ZC3H7B: variants seen among roughly 807,000 people sequenced by gnomAD.
ZC3H7B encodes the protein zinc finger CCCH domain-containing protein 7B.
In ZC3H7B, 35 loss-of-function variants were observed where a neutral mutation model predicts 116.0. That is an observed-to-expected ratio of 0.30 (90% CI 0.23 to 0.40). ZC3H7B has a LOEUF of 0.40. Ranked by LOEUF, ZC3H7B falls within the 10% of genes least tolerant of loss-of-function variation. The pLI is 1.00. For missense variants in ZC3H7B, 1,011 were observed against 1,321.5 expected (o/e 0.77, Z 3.64); for synonymous variants, 502 against 545.6 (o/e 0.92, Z 1.11).
chr22:41,351,426 T>C lies in ZC3H7B; in HGVS notation c.1949-135T>C. ...GACAAAGTGGTTCCCTTGTACCCCA[T>C]GTCTTACTGTGGCTGGGCTGAGAAT... On this transcript the variant is annotated intron_variant, in intron 16 of 22. Transcript: ENST00000352645. The surrounding 1 kb of genome is among the most constrained non-coding windows in gnomAD (Gnocchi z 5.1). 1 of 691,118 alleles carries C rather than the reference T, an allele frequency of 1.4e-6. No homozygotes were observed. The highest frequency in any genetic ancestry group is 1.9e-5 in the South Asian group (1 of 51,984). 42.8% of individuals were successfully genotyped at this position (691,118 alleles called of 1,614,324 possible). A position where few individuals can be genotyped will look rare whatever the true frequency, so the allele number is the denominator to read the frequency against.
intron 9 of ZC3H7B, 140 bp from the exon 10 acceptor site, chr22:41,339,676 T>C (rs2145928789): frequency 1.4e-6 from 1 of 710,148 alleles, no homozygotes. Context: ...GAAGGGACCA[T>C]AGTGAGCCCT....
At chr22:41,314,150 T>A (rs2036152034) in intron 1 of ZC3H7B, among the ~76,000 whole-genome samples, 1 of 151,562 alleles carries the variant, frequency 6.6e-6, no homozygotes, top group Non-Finnish European at 1.5e-5. Flanking sequence ...ATTTTTATTT[T>A]ATTTATTTAT....
chr22:41,321,827 T>TTC (rs1231662745), intron 2 of ZC3H7B, among the ~76,000 whole-genome samples: 16 of 101,122 alleles, frequency 1.6e-4, no homozygotes, highest in African/African-American at 5.5e-4. Context: ...AAAACTCACA[T>TTC]TCTTTTTTTT....
intron 6 of ZC3H7B, among the ~76,000 whole-genome samples, chr22:41,330,625 G>A (rs6002335): frequency 0.039 from 5,865 of 152,172 alleles, 361 homozygotes; most frequent in African/African-American, 0.13. Context: ...CCACCCCAGA[G>A]GGCTCATGGG....
Position 41,355,820 on chromosome 22 carries a change from G to A in ZC3H7B, c.2232G>A (p.Val744=). ...AGGCCAAGAGGAAATGGGTGTCAGT[G>A]AGGCCACTGCCATCCATTCGTAACT... ...MSKAKRKWVS[V]RPLPSIRNFP... is the part of the protein sequence containing the mutation. The change falls in exon 19 of 23, where the codon GTG becomes GTA. Residue 744 remains valine (V), a synonymous_variant. Transcript: ENST00000352645. The A allele has an allele frequency of 6.2e-7, 1 of 1,613,732 alleles. No individual in the cohort carries two copies. Among genetic ancestry groups the A allele is most frequent in the South Asian group, 1.1e-5 (1 of 91,074 alleles).
chr22:41,309,034 C>T (rs1216423282), intron 1 of ZC3H7B, among the ~76,000 whole-genome samples: 2 of 70,568 alleles, frequency 2.8e-5, no homozygotes, highest in East Asian at 2.5e-4. Flanking sequence ...TTTTTTGAGA[C>T]GGAGTTTCGC....
In ZC3H7B at chr22:41,329,736, T is replaced by A. The variant is rs541475125; in HGVS notation, c.445-287T>A. ...TCCCTTCTACAGTGACATTGTCACTTTTGCTGAATTTTAGAAATAAAAAGA... is the reference window on the plus strand; with the variant it reads ...TCCCTTCTACAGTGACATTGTCACTATTGCTGAATTTTAGAAATAAAAAGA... On this transcript the variant is annotated intron_variant, in intron 5 of 22. Transcript: ENST00000352645. Among the ~76,000 whole-genome samples, 6 of 152,250 alleles carry A rather than the reference T, an allele frequency of 3.9e-5. No homozygotes were observed. In the East Asian group the frequency reaches 1.2e-3, roughly 29 times the overall value.
At chr22:41,339,401 G>C (rs969831440) in intron 9 of ZC3H7B, among the ~76,000 whole-genome samples, 1 of 152,132 alleles carries the variant, frequency 6.6e-6, no homozygotes, top group Admixed American at 6.5e-5. Context: ...CCAAGGCAGC[G>C]GATTACTTGA....
rs1286455250 is a variant in ZC3H7B at position 41,325,568 on chromosome 22, A to T, written c.58A>T (p.Thr20Ser). 5.0e-6 allele frequency: 8 copies of T among 1,611,010 alleles called. No individual in the cohort carries two copies. Among genetic ancestry groups the T allele is most frequent in the Non-Finnish European group, 5.9e-6 (7 of 1,178,804 alleles). Residue 20 changes from threonine (T) to serine (S), a missense_variant, in exon 3 of 23, where the codon ACA becomes TCA. Physicochemically the swap from Thr to Ser is moderately conservative, Grantham distance 58. Coordinates refer to ENST00000352645, the MANE Select transcript of ZC3H7B (RefSeq NM_017590.6). ...CGTGTTTTCTTTTCCTGATAGGTCGACACTACCCCTAAAGCAAGAAGAATA... is the reference window on the plus strand; with the variant it reads ...CGTGTTTTCTTTTCCTGATAGGTCGTCACTACCCCTAAAGCAAGAAGAATA... Reference protein sequence around the residue: ...IEKGLQFIQSTLPLKQEEYEA... With the variant: ...IEKGLQFIQSSLPLKQEEYEA...
intron 7 of ZC3H7B, chr22:41,332,851 A>G (rs1416662866): frequency 6.6e-6 from 1 of 152,602 alleles, no homozygotes; most frequent in African/African-American, 2.4e-5. Flanking sequence ...CACACGACCC[A>G]GCAGGAAATG....
intron 6 of ZC3H7B, among the ~76,000 whole-genome samples, chr22:41,331,969 C>G (rs2036389307): frequency 1.3e-5 from 2 of 151,956 alleles, no homozygotes; most frequent in Non-Finnish European, 2.9e-5. Flanking sequence ...CTGCCCAGGT[C>G]AAGGTTGGAA....
rs945987409 is a variant in ZC3H7B, at chr22:41,302,852, G to T, written c.-7+1080G>T. 1.3e-5 allele frequency among the ~76,000 whole-genome samples: 2 copies of T among 152,072 alleles called. No homozygotes were observed. Among genetic ancestry groups the T allele is most frequent in the Non-Finnish European group, 2.9e-5 (2 of 68,020 alleles). On this transcript the variant is annotated intron_variant, in intron 1 of 22. Transcript: ENST00000352645. This position sits in a 1 kb window ranked among gnomAD's most constrained non-coding sequence, Gnocchi z 5.7. ...GTGGGGAGTCTGGGGGCTCTAAAAG[G>T]GGGCTGGGCCTGAGTGGGGAGCTGG...
At position 41,346,567 on chromosome 22, in the gene ZC3H7B, G is replaced by T. The variant is rs1394680238; in HGVS notation, c.1665+359G>T. 6.6e-6 allele frequency among the ~76,000 whole-genome samples: 1 copy of T among 152,164 alleles called. No homozygotes were observed. Among genetic ancestry groups the T allele is most frequent in the Non-Finnish European group, 1.5e-5 (1 of 68,046 alleles). ...GCAGTGGCTCACGCCTGTAATCCCA[G>T]CACTTTGGGAGGCTGAGGCGGGCAA... On this transcript the variant is annotated intron_variant, in intron 14 of 22. Transcript: ENST00000352645. This position sits in a 1 kb window ranked among gnomAD's most constrained non-coding sequence, Gnocchi z 5.3.
At chr22:41,321,717 A>G in intron 2 of ZC3H7B, among the ~76,000 whole-genome samples, 1 of 151,534 alleles carries the variant, frequency 6.6e-6, no homozygotes, top group East Asian at 2.0e-4. Flanking sequence ...CATTTTGCAG[A>G]TGAGAAAGTT....
intron 11 of ZC3H7B, among the ~76,000 whole-genome samples, chr22:41,342,213 C>T (rs1483388025): frequency 2.6e-5 from 4 of 152,202 alleles, no homozygotes; most frequent in South Asian, 2.1e-4. Flanking sequence ...GCTGCAATCA[C>T]GGCCCCTCCC....
Position 41,342,520 on chromosome 22 carries a change from C to T in ZC3H7B, c.1198-9C>T. 6.2e-7 allele frequency: 1 copy of T among 1,612,424 alleles called. No homozygotes were observed. Among genetic ancestry groups the T allele is most frequent in the Non-Finnish European group, 8.5e-7 (1 of 1,179,792 alleles). On this transcript the variant is annotated splice_polypyrimidine_tract_variant and intron_variant, in intron 11 of 22. Coordinates refer to ENST00000352645, the MANE Select transcript of ZC3H7B (RefSeq NM_017590.6). ...AGTGCCCACAATGGCCTCCTTCCTC[C>T]TGTCACAGCCAGAGCCCTGCATGCC...
intron 5 of ZC3H7B, among the ~76,000 whole-genome samples, chr22:41,328,284 C>G (rs1170237969): frequency 6.6e-6 from 1 of 152,192 alleles, no homozygotes; most frequent in Non-Finnish European, 1.5e-5. Flanking sequence ...TAGAAAGGAG[C>G]TGGGACCCAG....
At chr22:41,314,163 A>G in intron 1 of ZC3H7B, among the ~76,000 whole-genome samples, 1 of 149,060 alleles carries the variant, frequency 6.7e-6, no homozygotes, top group Non-Finnish European at 1.5e-5. Flanking sequence ...TTATTTATTT[A>G]TTTATTTTTT....
rs1433016424 is a variant in ZC3H7B at position 41,340,099 on chromosome 22, C to T, written c.1100C>T (p.Ser367Leu). ...CTGGATGCACTCGACAGCTTTGGGT[C>T]GACACGAGGCTCCCTGGACAAACCT... ...TRLDALDSFGSTRGSLDKPDS... is the reference protein window; with the variant it reads ...TRLDALDSFGLTRGSLDKPDS... The change falls in exon 10 of 23, where the codon TCG becomes TTG. Residue 367 changes from serine to leucine, a missense_variant. This residue lies in a region of ZC3H7B where 99 missense variants were observed against 89.5 expected (regional missense o/e 1.11). Coordinates refer to ENST00000352645, the MANE Select transcript of ZC3H7B (RefSeq NM_017590.6). 4 of 1,610,968 alleles carry T rather than the reference C, an allele frequency of 2.5e-6. No individual in the cohort carries two copies. Among genetic ancestry groups the T allele is most frequent in the Non-Finnish European group, 1.7e-6 (2 of 1,179,288 alleles).
Sources: gnomAD v4.1 joint callset for allele counts (sites outside exome capture counted in the v4.1 genomes callset) on GRCh38, gnomAD v4.1.1 for gene constraint, gnomAD v4.1.1 regional missense constraint, Gnocchi (gnomAD v3.1) non-coding constraint, MANE v1.5 for transcripts, NCBI Gene and HGNC (gene_info 2026-07-23, HGNC 2026-07-21) for gene names.